The following LIMCH1 variants were observed in gnomAD, a reference collection of about 807,000 sequenced individuals.
LIMCH1 encodes the protein LIM and calponin homology domains 1, also known as LIM and calponin homology domains-containing protein 1.
In LIMCH1, 113 loss-of-function variants were observed where a neutral mutation model predicts 176.5. The ratio of observed to expected loss-of-function variants is 0.64; its 90% CI spans 0.55 to 0.75. LIMCH1 has a LOEUF of 0.75. Among genes scored for constraint, LIMCH1 ranks in the 30% least tolerant of loss-of-function variants. The pLI is 0.00. For missense variants in LIMCH1, 1,674 were observed against 1,814.9 expected (o/e 0.92, Z 1.41); for synonymous variants, 619 against 645.9 (o/e 0.96, Z 0.63).
At chr4:41,683,414 AG>A (rs1560371213) in intron 26 of LIMCH1, among the ~76,000 whole-genome samples, 1 of 152,096 alleles carries the variant, frequency 6.6e-6, no homozygotes, top group Non-Finnish European at 1.5e-5. Flanking sequence ...TCCCTTACCT[AG>A]AAGGGACCCA....
chr4:41,687,760 C>A, intron 28 of LIMCH1, 80 bp from the exon 29 acceptor site: 1 of 737,312 alleles, frequency 1.4e-6, no homozygotes, highest in South Asian at 2.4e-5. Context: ...TTTTATTTTC[C>A]TAATCTAAAA....
At chr4:41,417,271 A>C (rs374684674) in intron 1 of LIMCH1, among the ~76,000 whole-genome samples, 3 of 152,232 alleles carry the variant, frequency 2.0e-5, no homozygotes, top group Admixed American at 6.5e-5. Flanking sequence ...TCCTGCATGC[A>C]CCAGGCCCTG....
At chr4:41,486,332 G>A (rs2069528128) in intron 1 of LIMCH1, among the ~76,000 whole-genome samples, 1 of 152,166 alleles carries the variant, frequency 6.6e-6, no homozygotes, top group Non-Finnish European at 1.5e-5. Flanking sequence ...GAAAGTTACT[G>A]AGAGTCCTTC....
intron 1 of LIMCH1, among the ~76,000 whole-genome samples, chr4:41,419,264 G>A (rs1454191613): frequency 2.6e-5 from 4 of 151,592 alleles, no homozygotes; most frequent in African/African-American, 7.3e-5. Flanking sequence ...TGCAACCTTC[G>A]CCTCCCGGGT....
chr4:41,384,454 C>T (rs910313332), intron 1 of LIMCH1, among the ~76,000 whole-genome samples: 7 of 152,136 alleles, frequency 4.6e-5, no homozygotes, highest in South Asian at 2.1e-4. Context: ...GTGATCCACC[C>T]GCCTCGGCCT....
chr4:41,390,634 T>G (rs2057128011), intron 1 of LIMCH1, among the ~76,000 whole-genome samples: 1 of 152,250 alleles, frequency 6.6e-6, no homozygotes, highest in Non-Finnish European at 1.5e-5. Context: ...TAACGTTGTA[T>G]CCTCTATTTC....
intron 1 of LIMCH1, among the ~76,000 whole-genome samples, chr4:41,575,060 A>G (rs966994378): frequency 3.3e-5 from 5 of 152,098 alleles, no homozygotes; most frequent in Non-Finnish European, 7.4e-5. Context: ...ACACACACAC[A>G]ATTTATTGAG....
chr4:41,697,441 C>G lies in LIMCH1; in HGVS notation c.*256C>G. 2.4e-6 allele frequency: 1 copy of G among 420,564 alleles called. No homozygotes were observed. Among genetic ancestry groups the G allele is most frequent in the Non-Finnish European group, 4.2e-6 (1 of 238,514 alleles). The allele number at this position is 420,564 out of a possible 1,614,324, so 26.1% of individuals were successfully genotyped here. ...GGGGTTGTAATGATCCTGAATAGCT[C>G]AAAAAAGGTTTTAGCATGGTCAAAC... is the stretch of plus-strand genomic sequence containing the variant. On this transcript the variant is annotated 3_prime_UTR_variant, in exon 32 of 32. Coordinates refer to ENST00000503057, the MANE Select transcript of LIMCH1 (RefSeq NM_001330672.2).
At position 41,632,790 on chromosome 4, in the gene LIMCH1, C is replaced by A. The variant is rs1487563116; in HGVS notation, c.1643C>A (p.Ser548Ter). ...CGAGGTGACTATTGCAGAAGGGCCT[C>A]GTGGCTGGCTCCTGTGCCGGAGTCT... ...CGRGDYCRRA[S>*]WLAPVPESQE... The change falls in exon 11 of 32, where the codon TCG (serine) becomes TAG (stop). Residue 548 changes from serine to a stop codon, truncating the protein, a stop_gained. Coordinates refer to ENST00000503057, the MANE Select transcript of LIMCH1 (RefSeq NM_001330672.2). LOFTEE classifies it high-confidence loss of function. 6.5e-7 allele frequency: 1 copy of A among 1,536,246 alleles called. No homozygotes were observed. The highest frequency in any genetic ancestry group is 1.2e-5 in the South Asian group (1 of 84,060).
At chr4:41,388,770 G>A (rs2056834216) in intron 1 of LIMCH1, among the ~76,000 whole-genome samples, 1 of 152,110 alleles carries the variant, frequency 6.6e-6, no homozygotes. Flanking sequence ...AGCTTCCCGA[G>A]TAGCTGGGAT....
chr4:41,626,847 G>T lies in LIMCH1; in HGVS notation c.865G>T (p.Asp289Tyr). ...VVCRLPDLEK[D>Y]DFAARRARMN... The stretch of plus-strand genomic sequence containing the variant: ...GTGTCGACTGCCTGATCTTGAGAAG[G>T]ATGACTTTGCTGCAAGGAGAGCAAG... The change falls in exon 8 of 32, where the codon GAT becomes TAT. Residue 289 changes from aspartate to tyrosine, a missense_variant. Physicochemically the swap from Asp to Tyr is radical, Grantham distance 160 (BLOSUM62 -3). This residue lies in a region of LIMCH1 where 655 missense variants were observed against 692.2 expected (regional missense o/e 0.95). Transcript: ENST00000503057. The T allele has an allele frequency of 6.5e-7, 1 of 1,536,182 alleles. No individual in the cohort carries two copies. The highest frequency in any genetic ancestry group is 8.7e-7 in the Non-Finnish European group (1 of 1,146,926).
intron 2 of LIMCH1, among the ~76,000 whole-genome samples, chr4:41,603,267 A>G (rs188031515): frequency 2.5e-4 from 37 of 149,532 alleles, no homozygotes; most frequent in African/African-American, 9.2e-4. Context: ...ATTTCGAAGT[A>G]GCTTTTTTGT....
intron 1 of LIMCH1, among the ~76,000 whole-genome samples, chr4:41,399,180 C>T (rs967278446): frequency 6.6e-6 from 1 of 152,100 alleles, no homozygotes; most frequent in South Asian, 2.1e-4. Context: ...CATGTGAGGC[C>T]TAGTGCAAAT....
intron 1 of LIMCH1, among the ~76,000 whole-genome samples, chr4:41,593,534 C>G (rs1046985117): frequency 6.6e-6 from 1 of 152,162 alleles, no homozygotes; most frequent in Non-Finnish European, 1.5e-5. Context: ...ACAATCCTAC[C>G]TAGTTGAATA....
chr4:41,583,420 T>C (rs973750220), intron 1 of LIMCH1, among the ~76,000 whole-genome samples: 1 of 152,238 alleles, frequency 6.6e-6, no homozygotes, highest in Non-Finnish European at 1.5e-5. Context: ...TAACTCGTTT[T>C]AGTTGCCAAG....
intron 2 of LIMCH1, among the ~76,000 whole-genome samples, chr4:41,501,945 T>A (rs2073370412): frequency 6.6e-6 from 1 of 150,482 alleles, no homozygotes. Context: ...ATATGCAGGT[T>A]TGTTACATAG....
intron 5 of LIMCH1, among the ~76,000 whole-genome samples, chr4:41,614,603 TG>T (rs2091859697): frequency 6.6e-6 from 1 of 152,246 alleles, no homozygotes; most frequent in Non-Finnish European, 1.5e-5. Context: ...TATAAAATTC[TG>T]TTACGAAAAT....
chr4:41,366,368 G>A (rs2052986063), intron 1 of LIMCH1, among the ~76,000 whole-genome samples: 1 of 152,104 alleles, frequency 6.6e-6, no homozygotes, highest in Admixed American at 6.5e-5. Context: ...TGTTCTTACT[G>A]GAATTAGGTT....
chr4:41,535,519 G>C (rs575780906), upstream of LIMCH1, among the ~76,000 whole-genome samples: 8 of 152,116 alleles, frequency 5.3e-5, no homozygotes, highest in East Asian at 9.7e-4. Context: ...TCCATATTTT[G>C]CCTTTTTATA....
Sources: gnomAD v4.1 joint callset for allele counts (sites outside exome capture counted in the v4.1 genomes callset) on GRCh38, gnomAD v4.1.1 for gene constraint, gnomAD v4.1.1 regional missense constraint, MANE v1.5 for transcripts, NCBI Gene and HGNC (gene_info 2026-07-23, HGNC 2026-07-21) for gene names.